Variants in SLC24A2 observed in about 807,000 individuals in gnomAD.
The protein encoded by SLC24A2 is solute carrier family 24 member 2.
In SLC24A2, 36 loss-of-function variants were observed where a neutral mutation model predicts 62.0. The ratio of observed to expected loss-of-function variants is 0.58; its 90% CI spans 0.44 to 0.77. The LOEUF is 0.77. Among genes scored for constraint, SLC24A2 ranks in the 30% least tolerant of loss-of-function variants. SLC24A2 has a pLI of 0.00. For synonymous variants in SLC24A2, 358 were observed against 294.0 expected (o/e 1.22, Z -2.23); for missense variants, 846 against 817.9 (o/e 1.03, Z -0.42).
At chr9:20,194,232 T>C in the SLC24A2 span, among the ~76,000 whole-genome samples, 2 of 151,966 alleles carry the variant, frequency 1.3e-5, no homozygotes, top group Admixed American at 6.6e-5. Flanking sequence ...GACCAATAAA[T>C]CTGATTACCT....
At chr9:19,566,245 C>A (rs1225451718) in intron 7 of SLC24A2, among the ~76,000 whole-genome samples, 2 of 150,020 alleles carry the variant, frequency 1.3e-5, no homozygotes, top group Non-Finnish European at 3.0e-5. Context: ...CCAGAATCTA[C>A]AATGAACTCA....
At chr9:20,227,393 T>A in the SLC24A2 span, among the ~76,000 whole-genome samples, 16 of 152,100 alleles carry the variant, frequency 1.1e-4, no homozygotes, top group Non-Finnish European at 1.9e-4. Context: ...TTTGTGGTGT[T>A]TTAATACCCA....
the SLC24A2 span, among the ~76,000 whole-genome samples, chr9:19,889,217 T>A: frequency 3.3e-5 from 5 of 152,220 alleles, no homozygotes; most frequent in African/African-American, 1.2e-4. Flanking sequence ...ATTCTGGGAC[T>A]TGTAGCTTCA....
rs74909213 is a variant in SLC24A2, at chr9:19,720,816, A to C, written c.930+65121T>G. ...GATTTTCTTTTTGTAGTTCTAAAACAATTTGTGTATATGTGGAATGATGTG... is the reference window on the plus strand; with the variant it reads ...GATTTTCTTTTTGTAGTTCTAAAACCATTTGTGTATATGTGGAATGATGTG... On this transcript the variant is annotated intron_variant, in intron 2 of 10. Coordinates refer to ENST00000341998, the MANE Select transcript of SLC24A2 (RefSeq NM_020344.4). Among the ~76,000 whole-genome samples, 90 of 146,130 alleles carry C rather than the reference A, an allele frequency of 6.2e-4. No individual in the cohort carries two copies. The East Asian group carries it at 0.018, about 30-fold the overall frequency.
chr9:19,894,930 G>C, the SLC24A2 span, among the ~76,000 whole-genome samples: 2 of 152,154 alleles, frequency 1.3e-5, no homozygotes, highest in East Asian at 1.9e-4. Context: ...TTTTGTCAAA[G>C]CTTACATGAT....
intron 2 of SLC24A2, among the ~76,000 whole-genome samples, chr9:19,687,758 C>T (rs991442274): frequency 2.0e-5 from 3 of 152,028 alleles, no homozygotes; most frequent in African/African-American, 7.2e-5. Flanking sequence ...TTTCAGCTGT[C>T]TTGATTAGCA....
the SLC24A2 span, among the ~76,000 whole-genome samples, chr9:19,991,311 AG>A: frequency 6.6e-6 from 1 of 152,166 alleles, no homozygotes; most frequent in African/African-American, 2.4e-5. Context: ...GAGGGCAGGA[AG>A]CATCCAGCAT....
intron 4 of SLC24A2, among the ~76,000 whole-genome samples, chr9:19,611,561 G>A (rs1338544587): frequency 6.6e-6 from 1 of 152,102 alleles, no homozygotes; most frequent in Non-Finnish European, 1.5e-5. Flanking sequence ...TGCTCTTGGT[G>A]AGATGGTTTT....
intron 7 of SLC24A2, 110 bp downstream of exon 7, chr9:19,573,241 C>T: frequency 3.9e-6 from 3 of 767,256 alleles, no homozygotes; most frequent in South Asian, 2.8e-5. Flanking sequence ...CTACCTGATT[C>T]CTGCCCAGCT....
chr9:20,291,520 A>G, the SLC24A2 span, among the ~76,000 whole-genome samples: 3 of 152,118 alleles, frequency 2.0e-5, no homozygotes, highest in Non-Finnish European at 2.9e-5. Flanking sequence ...GAAGGATGCT[A>G]TGGCAGACAC....
At chr9:20,145,562 T>A in the SLC24A2 span, among the ~76,000 whole-genome samples, 1,826 of 151,242 alleles carry the variant, frequency 0.012, 30 homozygotes, top group African/African-American at 0.031. Context: ...TTCTTTTTTT[T>A]AAAAAAAAGT....
chr9:20,261,982 C>T, the SLC24A2 span, among the ~76,000 whole-genome samples: 1 of 152,080 alleles, frequency 6.6e-6, no homozygotes, highest in Non-Finnish European at 1.5e-5. Context: ...TCGTGATCCG[C>T]CTGCCTCGGC....
the SLC24A2 span, among the ~76,000 whole-genome samples, chr9:20,064,117 T>C: frequency 6.6e-6 from 1 of 152,174 alleles, no homozygotes; most frequent in African/African-American, 2.4e-5. Flanking sequence ...TATATCCATA[T>C]AGTGGAATAT....
the SLC24A2 span, among the ~76,000 whole-genome samples, chr9:20,044,079 G>T: frequency 6.6e-6 from 1 of 151,954 alleles, no homozygotes; most frequent in Non-Finnish European, 1.5e-5. Context: ...ACCAGCAAAA[G>T]ATTATAACTC....
chr9:19,815,754 G>A, the SLC24A2 span, among the ~76,000 whole-genome samples: 1 of 151,918 alleles, frequency 6.6e-6, no homozygotes, highest in South Asian at 2.1e-4. Flanking sequence ...TAACAGTTAG[G>A]CTCTTTTGTA....
At chr9:19,925,539 G>A in the SLC24A2 span, among the ~76,000 whole-genome samples, 1 of 152,092 alleles carries the variant, frequency 6.6e-6, no homozygotes, top group Non-Finnish European at 1.5e-5. Context: ...AATTCAATCA[G>A]CCAACACCTG....
At chr9:19,651,794 A>G (rs1818808795) in intron 2 of SLC24A2, among the ~76,000 whole-genome samples, 1 of 152,206 alleles carries the variant, frequency 6.6e-6, no homozygotes, top group South Asian at 2.1e-4. Context: ...CAAACCCATG[A>G]CAGTGCCTGC....
At chr9:19,909,400 G>A in the SLC24A2 span, among the ~76,000 whole-genome samples, 3 of 152,068 alleles carry the variant, frequency 2.0e-5, no homozygotes, top group Non-Finnish European at 4.4e-5. Flanking sequence ...GTTAATGGGT[G>A]CAGCACACCA....
intron 7 of SLC24A2, among the ~76,000 whole-genome samples, chr9:19,565,653 C>T (rs1262494855): frequency 6.6e-6 from 1 of 152,088 alleles, no homozygotes; most frequent in African/African-American, 2.4e-5. Flanking sequence ...GCCCAGATTG[C>T]CAAGATAATC....
Sources: gnomAD v4.1 joint callset for allele counts (sites outside exome capture counted in the v4.1 genomes callset) on GRCh38, gnomAD v4.1.1 for gene constraint, MANE v1.5 for transcripts, NCBI Gene and HGNC (gene_info 2026-07-23, HGNC 2026-07-21) for gene names.